The following RALGAPA2 variants were observed in gnomAD, a reference collection of about 807,000 sequenced individuals.
RALGAPA2 encodes Ral GTPase activating protein catalytic subunit alpha 2.
A neutral mutation model predicts 230.4 loss-of-function variants in RALGAPA2; 139 were observed. That is an observed-to-expected ratio of 0.60 (90% CI 0.53 to 0.69). The LOEUF is 0.69. RALGAPA2 is among the 30% of genes least tolerant of loss of function. The pLI, the probability that RALGAPA2 is intolerant of heterozygous loss-of-function variation, is 0.00. For synonymous variants in RALGAPA2, 847 were observed against 837.8 expected (o/e 1.01, Z -0.19); for missense variants, 2,163 against 2,276.0 (o/e 0.95, Z 1.01).
At chr20:20,564,168 G>A (rs1359750485) in intron 23 of RALGAPA2, among the ~76,000 whole-genome samples, 4 of 152,164 alleles carry the variant, frequency 2.6e-5, no homozygotes, top group Non-Finnish European at 5.9e-5. Flanking sequence ...TCTCTACAGT[G>A]CTGCCTGGAT....
At chr20:20,511,829 T>C (rs2145342915) in intron 32 of RALGAPA2, among the ~76,000 whole-genome samples, 1 of 152,362 alleles carries the variant, frequency 6.6e-6, no homozygotes, top group East Asian at 1.9e-4. Context: ...CTGTGGCTTA[T>C]TCACCTTTGT....
chr20:20,591,428 TTA>T (rs2065288606), intron 16 of RALGAPA2, 114 bp from the exon 17 acceptor site: 2 of 1,236,374 alleles, frequency 1.6e-6, no homozygotes, highest in East Asian at 5.1e-5. Flanking sequence ...CACAAATAAT[TTA>T]TAGTCAGATA....
At chr20:20,580,816 A>T (rs555067620) in intron 20 of RALGAPA2, among the ~76,000 whole-genome samples, 80 of 152,352 alleles carry the variant, frequency 5.3e-4, no homozygotes, top group African/African-American at 1.9e-3. Flanking sequence ...TTTGCCAGTG[A>T]TGAAGGAATT....
At chr20:20,448,910 C>T (rs370556371) in intron 37 of RALGAPA2, among the ~76,000 whole-genome samples, 3 of 150,866 alleles carry the variant, frequency 2.0e-5, no homozygotes, top group East Asian at 1.9e-4. Context: ...CTTCAAGTTA[C>T]GACTTAACAG....
intron 23 of RALGAPA2, among the ~76,000 whole-genome samples, chr20:20,554,056 G>C (rs2064007266): frequency 6.6e-6 from 1 of 152,084 alleles, no homozygotes; most frequent in South Asian, 2.1e-4. Context: ...GTAGTTTTTA[G>C]TGTATTCACA....
chr20:20,684,785 C>G (rs145454383), intron 1 of RALGAPA2, among the ~76,000 whole-genome samples: 1 of 152,196 alleles, frequency 6.6e-6, no homozygotes, highest in African/African-American at 2.4e-5. Context: ...GGCATGAAGG[C>G]AGAAATCTCA....
At chr20:20,533,300 A>T (rs2063414313) in intron 26 of RALGAPA2, among the ~76,000 whole-genome samples, 1 of 152,108 alleles carries the variant, frequency 6.6e-6, no homozygotes, top group Non-Finnish European at 1.5e-5. Context: ...TTGCATAGAC[A>T]TCTAAAAGAA....
chr20:20,421,197 T>A (rs1407130704), intron 37 of RALGAPA2, among the ~76,000 whole-genome samples: 1 of 152,080 alleles, frequency 6.6e-6, no homozygotes, highest in African/African-American at 2.4e-5. Flanking sequence ...AGTAAACACA[T>A]GAAAAGATGC....
rs77076084 is a variant in RALGAPA2 at position 20,589,962 on chromosome 20, T to C, written c.2342-597A>G. 4.9e-4 allele frequency among the ~76,000 whole-genome samples: 75 copies of C among 151,682 alleles called. 1 individual carries two copies. In the East Asian group the frequency reaches 0.012, roughly 24 times the overall value. ...GAAATGGAAAATCTAAATAGTCCTATAACTATTTTATTTTAACTTTTTTAA... is the reference window on the plus strand; with the variant it reads ...GAAATGGAAAATCTAAATAGTCCTACAACTATTTTATTTTAACTTTTTTAA... On this transcript the variant is annotated intron_variant, in intron 17 of 39. Coordinates refer to ENST00000202677, the MANE Select transcript of RALGAPA2 (RefSeq NM_020343.4).
In RALGAPA2 at chr20:20,503,368, C is replaced by G; in HGVS notation, c.5191G>C (p.Asp1731His). ...VSTRMPSDSDDSLTKKLRHLG... is the reference protein window; with the variant it reads ...VSTRMPSDSDHSLTKKLRHLG... Reference sequence around the variant, plus strand: ...CCCCTTACCTTTTTGGTGAGGGAATCATCTGAGTCTGACGGCATTCGAGTG... The same window carrying G: ...CCCCTTACCTTTTTGGTGAGGGAATGATCTGAGTCTGACGGCATTCGAGTG... Residue 1731 changes from aspartate to histidine, a missense_variant, in exon 35 of 40, where the codon GAT becomes CAT. Physicochemically the swap from Asp to His is moderately conservative, Grantham distance 81 (BLOSUM62 -1). Transcript: ENST00000202677. 6.3e-7 allele frequency: 1 copy of G among 1,595,180 alleles called. No homozygotes were observed. The highest frequency in any genetic ancestry group is 8.6e-7 in the Non-Finnish European group (1 of 1,168,378).
intron 23 of RALGAPA2, among the ~76,000 whole-genome samples, chr20:20,556,375 G>C: frequency 6.6e-6 from 1 of 152,188 alleles, no homozygotes; most frequent in East Asian, 1.9e-4. Context: ...CAGGGAGATG[G>C]CAAACCTATT....
chr20:20,460,059 G>A (rs1349398409), intron 37 of RALGAPA2, among the ~76,000 whole-genome samples: 3 of 152,268 alleles, frequency 2.0e-5, no homozygotes, highest in Admixed American at 1.3e-4. Context: ...CGGCTATACC[G>A]ATGTTGGTTG....
chr20:20,517,123 G>A (rs975895702), intron 31 of RALGAPA2, among the ~76,000 whole-genome samples: 1 of 152,124 alleles, frequency 6.6e-6, no homozygotes, highest in African/African-American at 2.4e-5. Flanking sequence ...TAGCCCTCCT[G>A]GAACAATTCA....
At chr20:20,707,644 T>C (rs964691786) in intron 1 of RALGAPA2, among the ~76,000 whole-genome samples, 3 of 152,226 alleles carry the variant, frequency 2.0e-5, no homozygotes, top group African/African-American at 7.2e-5. Flanking sequence ...TATGTTTTGC[T>C]CTGTTTGTAT....
intron 1 of RALGAPA2, among the ~76,000 whole-genome samples, chr20:20,706,136 C>T (rs772498996): frequency 7.2e-5 from 11 of 152,274 alleles, no homozygotes; most frequent in Non-Finnish European, 1.6e-4. Context: ...TATTCTAGAC[C>T]TACCAATTAT....
rs752707517 is a variant in RALGAPA2 at position 20,583,094 on chromosome 20, C to T, written c.2663G>A (p.Arg888His). The change falls in exon 20 of 40, where the codon CGT becomes CAT. Residue 888 changes from arginine to histidine, a missense_variant. Transcript: ENST00000202677. ...GGTGGGACTCAGTTGTAACCAATGA[C>T]GGGCATCAGCATCAGCCACAACATC... ...PTDVVADADA[R>H]HWLQLSPTDA... 11 of 1,613,492 alleles carry T rather than the reference C, an allele frequency of 6.8e-6. No individual in the cohort carries two copies. The highest frequency in any genetic ancestry group is 3.3e-5 in the South Asian group (3 of 91,084).
intron 31 of RALGAPA2, among the ~76,000 whole-genome samples, chr20:20,517,399 C>T (rs535565405): frequency 1.3e-5 from 2 of 152,286 alleles, no homozygotes; most frequent in African/African-American, 2.4e-5. Context: ...ATCCCCTAGC[C>T]ACATTAATCA....
At chr20:20,430,057 C>T (rs6075661) in intron 37 of RALGAPA2, among the ~76,000 whole-genome samples, 92,186 of 152,116 alleles carry the variant, frequency 0.61, 27,980 homozygotes, top group African/African-American at 0.65. Context: ...CCTGTGACCT[C>T]AGGCAACTAG....
At chr20:20,454,347 C>T (rs1167091777) in intron 37 of RALGAPA2, among the ~76,000 whole-genome samples, 1 of 152,178 alleles carries the variant, frequency 6.6e-6, no homozygotes, top group Non-Finnish European at 1.5e-5. Flanking sequence ...TCCTCTCTGA[C>T]CGGCAGGCAG....
Sources: allele counts gnomAD v4.1 joint callset (sites outside exome capture counted in the v4.1 genomes callset), GRCh38; gene constraint gnomAD v4.1.1; transcripts MANE v1.5; gene names NCBI Gene and HGNC (gene_info 2026-07-23, HGNC 2026-07-21).